The following XCR1 variants were observed in gnomAD, a reference collection of about 807,000 sequenced individuals.
XCR1 encodes chemokine XC receptor 1.
For synonymous variants in XCR1, 187 were observed against 188.5 expected, an observed-to-expected ratio of 0.99 and a Z score of 0.06; for missense variants, 356 against 424.2, an observed-to-expected ratio of 0.84 and a Z score of 1.41.
intron 3 of XCR1, among the ~76,000 whole-genome samples, chr3:46,071,817 A>G (rs1698168447): frequency 6.6e-6 from 1 of 152,176 alleles, no homozygotes; most frequent in Non-Finnish European, 1.5e-5. Flanking sequence ...CCATAAAATA[A>G]TAAAGCCCCA....
intron 5 of XCR1, among the ~76,000 whole-genome samples, chr3:46,046,525 A>G (rs912650542): frequency 6.6e-6 from 1 of 152,234 alleles, no homozygotes; most frequent in Non-Finnish European, 1.5e-5. Flanking sequence ...GTTTGATCAT[A>G]TAGCCTCCAG....
intron 5 of XCR1, among the ~76,000 whole-genome samples, chr3:46,041,676 C>A (rs1033675044): frequency 6.6e-6 from 1 of 152,146 alleles, no homozygotes; most frequent in South Asian, 2.1e-4. Context: ...AGAAATTGAT[C>A]CTTCTGGTCT....
rs937724867 is a variant in XCR1 at position 46,021,852 on chromosome 3, G to A, written c.96C>T (p.Leu32=). Residue 32 remains leucine (L), a synonymous_variant, in exon 2 of 2, where the codon CTC becomes CTT. Coordinates refer to ENST00000309285, the MANE Select transcript of XCR1 (RefSeq NM_001024644.2). This position sits in a 1 kb window ranked among gnomAD's most constrained non-coding sequence, Gnocchi z 4.7. The part of the protein sequence containing the change: ...CENQAWVFAT[L]ATTVLYCLVF... ...CCAGGCAGTATAGGACAGTGGTGGCGAGGGTAGCAAAGACCCAGGCCTGGT... is the reference window on the plus strand; with the variant it reads ...CCAGGCAGTATAGGACAGTGGTGGCAAGGGTAGCAAAGACCCAGGCCTGGT... 23 of 1,614,104 alleles carry A rather than the reference G, an allele frequency of 1.4e-5. No individual in the cohort carries two copies. The highest frequency in any genetic ancestry group is 4.4e-5 in the South Asian group (4 of 91,078).
At chr3:46,062,764 AG>A (rs1559491946) in intron 4 of XCR1, among the ~76,000 whole-genome samples, 2 of 152,252 alleles carry the variant, frequency 1.3e-5, no homozygotes, top group Non-Finnish European at 2.9e-5. Context: ...CCTTGTGGAA[AG>A]GAGCAGAAAG....
intron 4 of XCR1, among the ~76,000 whole-genome samples, chr3:46,054,463 C>T (rs998061156): frequency 1.1e-4 from 16 of 151,668 alleles, no homozygotes; most frequent in Non-Finnish European, 1.6e-4. Flanking sequence ...CACGGGCGTT[C>T]GGCTCCCTGC....
At chr3:46,036,144 T>C (rs187784814) in intron 5 of XCR1, among the ~76,000 whole-genome samples, 1 of 152,330 alleles carries the variant, frequency 6.6e-6, no homozygotes, top group East Asian at 1.9e-4. Context: ...GAGTTTGCTG[T>C]TGAATGAGAA....
chr3:46,060,129 A>C (rs1697933210), intron 4 of XCR1, among the ~76,000 whole-genome samples: 1 of 152,240 alleles, frequency 6.6e-6, no homozygotes, highest in Admixed American at 6.5e-5. Context: ...TATAGTCCTC[A>C]TTTCTGCATC....
intron 3 of XCR1, among the ~76,000 whole-genome samples, chr3:46,070,836 A>G (rs1325096957): frequency 1.3e-5 from 2 of 151,700 alleles, no homozygotes; most frequent in Non-Finnish European, 2.9e-5. Flanking sequence ...TGTTTTATCA[A>G]TTCTTGGCTT....
chr3:46,083,567 AC>A, intron 1 of XCR1, among the ~76,000 whole-genome samples: 1 of 152,136 alleles, frequency 6.6e-6, no homozygotes, highest in East Asian at 1.9e-4. Flanking sequence ...CTTTGAGAAT[AC>A]TTTTGCCTTT....
At chr3:46,062,980 C>G (rs886623670) in intron 4 of XCR1, among the ~76,000 whole-genome samples, 2 of 152,196 alleles carry the variant, frequency 1.3e-5, no homozygotes, top group African/African-American at 4.8e-5. Context: ...ATTTGGACCT[C>G]AAGACAAACA....
At chr3:46,041,538 C>T (rs1384077852) in intron 5 of XCR1, among the ~76,000 whole-genome samples, 1 of 152,110 alleles carries the variant, frequency 6.6e-6, no homozygotes, top group African/African-American at 2.4e-5. Flanking sequence ...CCCACGAAGC[C>T]CCTCCTTAGC....
At chr3:46,037,199 C>T (rs998767677) in intron 5 of XCR1, among the ~76,000 whole-genome samples, 2 of 151,928 alleles carry the variant, frequency 1.3e-5, no homozygotes, top group Non-Finnish European at 2.9e-5. Flanking sequence ...ATAAAAGCTA[C>T]CCAAAAATGT....
chr3:46,022,456 T>C (rs1708177131), intron 1 of XCR1, among the ~76,000 whole-genome samples: 1 of 152,262 alleles, frequency 6.6e-6, no homozygotes, highest in Non-Finnish European at 1.5e-5. Context: ...AATATTCCTA[T>C]CTGTCATGTT....
Position 46,023,216 on chromosome 3 carries a change from C to T in XCR1, c.-31-1238G>A, listed in dbSNP as rs375351970. 3.6e-4 allele frequency: 189 copies of T among 527,738 alleles called. 7 individuals carry two copies. The highest frequency in any genetic ancestry group is 2.6e-3 in the East Asian group (79 of 30,464). 32.7% of individuals were successfully genotyped at this position (527,738 alleles called of 1,614,324 possible). A position where few individuals can be genotyped will look rare whatever the true frequency, so the allele number is the denominator to read the frequency against. ...TTGCTCCCTCTGCGCCCAGAGAGGA[C>T]GCGGCTGCGTCGCGCTCCCCTGCGA... On this transcript the variant is annotated intron_variant, in intron 1 of 1. Coordinates refer to ENST00000309285, the MANE Select transcript of XCR1 (RefSeq NM_001024644.2).
intron 5 of XCR1, among the ~76,000 whole-genome samples, chr3:46,050,922 T>C (rs1448948610): frequency 6.6e-6 from 1 of 152,222 alleles, no homozygotes; most frequent in Non-Finnish European, 1.5e-5. Flanking sequence ...TTCTGGACTT[T>C]TTTTGGAATA....
chr3:46,077,243 T>A (rs1698276151), intron 1 of XCR1, among the ~76,000 whole-genome samples: 1 of 152,170 alleles, frequency 6.6e-6, no homozygotes, highest in African/African-American at 2.4e-5. Context: ...AAACTTTATC[T>A]GCTGCTACCC....
Position 46,021,531 on chromosome 3 carries a change from G to A in XCR1, c.417C>T (p.Arg139=), listed in dbSNP as rs752197806. Residue 139 remains arginine (R), a synonymous_variant, in exon 2 of 2, where the codon CGC becomes CGT. Transcript: ENST00000309285. This position sits in a 1 kb window ranked among gnomAD's most constrained non-coding sequence, Gnocchi z 4.7. ...LSVVSPLSTL[R]VPTLRCRVLV... is the part of the protein sequence containing the mutation. The stretch of plus-strand genomic sequence containing the variant: ...GCACCCGGCAGCGGAGGGTGGGGAC[G>A]CGCAGGGTGGAGAGGGGGCTCACTA... The A allele has an allele frequency of 4.6e-5, 74 of 1,610,892 alleles. No individual in the cohort carries two copies. The East Asian group carries it at 1.1e-3, about 23-fold the overall frequency.
chr3:46,078,888 G>A (rs1491960), intron 1 of XCR1, among the ~76,000 whole-genome samples: 55,060 of 151,878 alleles, frequency 0.36, 14,246 homozygotes, highest in African/African-American at 0.74. Context: ...CGCTCGTAGG[G>A]TATTCCTCAC....
chr3:46,025,245 A>G (rs1392925670), intron 1 of XCR1, among the ~76,000 whole-genome samples: 1 of 150,866 alleles, frequency 6.6e-6, no homozygotes, highest in East Asian at 1.9e-4. Context: ...ATTTTAATAC[A>G]TTGATAAAAT....
Sources: gnomAD v4.1 joint callset for allele counts (sites outside exome capture counted in the v4.1 genomes callset) on GRCh38, gnomAD v4.1.1 for gene constraint, Gnocchi (gnomAD v3.1) non-coding constraint, MANE v1.5 for transcripts, NCBI Gene and HGNC (gene_info 2026-07-23, HGNC 2026-07-21) for gene names.